RAD54L2: variants seen among roughly 807,000 people sequenced by gnomAD.
The protein encoded by RAD54L2 is helicase ARIP4.
In RAD54L2, 27 loss-of-function variants were observed where a neutral mutation model predicts 138.4. That is an observed-to-expected ratio of 0.20 (90% CI 0.14 to 0.27). RAD54L2 has a LOEUF of 0.27. RAD54L2 is among the 10% of genes least tolerant of loss of function. The probability of loss-of-function intolerance (pLI) is 1.00; values close to 1 mark genes in which losing one functional copy is unlikely to be tolerated. For missense variants in RAD54L2, 1,396 were observed against 1,890.2 expected (o/e 0.74, Z 4.85); for synonymous variants, 644 against 723.2 (o/e 0.89, Z 1.76).
chr3:51,638,705 C>A lies in RAD54L2; in HGVS notation c.1860+384C>A, dbSNP rs1389832497. 5.7e-6 allele frequency: 1 copy of A among 175,882 alleles called. No homozygotes were observed. The highest frequency in any genetic ancestry group is 1.2e-5 in the Non-Finnish European group (1 of 82,762). The allele number at this position is 175,882 out of a possible 1,614,324, so 10.9% of individuals were successfully genotyped here. ...CCTTCCATTGGATTCCATACTTAAT[C>A]AGATTGAGACCTCTCTCATTCTTTT... is the stretch of plus-strand genomic sequence containing the variant. On this transcript the variant is annotated intron_variant, in intron 12 of 22. Coordinates refer to ENST00000684192, the MANE Select transcript of RAD54L2 (RefSeq NM_015106.4). The surrounding 1 kb of genome is among the most constrained non-coding windows in gnomAD (Gnocchi z 4.3).
At chr3:51,552,285 CAG>C (rs139630276) in intron 2 of RAD54L2, among the ~76,000 whole-genome samples, 4,458 of 151,654 alleles carry the variant, frequency 0.029, 100 homozygotes, top group Non-Finnish European at 0.046. Context: ...TTTTTTGAGA[CAG>C]AGTCTTGCTC....
chr3:51,558,379 A>G (rs918319200), intron 2 of RAD54L2, among the ~76,000 whole-genome samples: 2 of 152,136 alleles, frequency 1.3e-5, no homozygotes, highest in African/African-American at 4.8e-5. Context: ...TCTAGTCAAA[A>G]TCATGTGCCA....
intron 21 of RAD54L2, among the ~76,000 whole-genome samples, chr3:51,658,779 C>A (rs1701673838): frequency 1.3e-5 from 2 of 152,112 alleles, no homozygotes; most frequent in African/African-American, 4.8e-5. Context: ...AGTCTAGAAC[C>A]CAGCCCCCTT....
intron 2 of RAD54L2, among the ~76,000 whole-genome samples, chr3:51,571,733 T>TG (rs1305018365): frequency 2.6e-5 from 4 of 152,192 alleles, no homozygotes; most frequent in Non-Finnish European, 5.9e-5. Flanking sequence ...CATGTACGCA[T>TG]GCACACGCAC....
At chr3:51,577,070 A>G (rs1699497158) in intron 2 of RAD54L2, among the ~76,000 whole-genome samples, 1 of 152,302 alleles carries the variant, frequency 6.6e-6, no homozygotes, top group Non-Finnish European at 1.5e-5. Context: ...GTTTCAAAGA[A>G]CATCTTTATT....
intron 2 of RAD54L2, among the ~76,000 whole-genome samples, chr3:51,561,042 A>G (rs1238346030): frequency 6.6e-6 from 1 of 152,216 alleles, no homozygotes; most frequent in Non-Finnish European, 1.5e-5. Flanking sequence ...GGATCTGCTT[A>G]TACCATTCTG....
intron 3 of RAD54L2, among the ~76,000 whole-genome samples, chr3:51,612,532 T>C (rs531254362): frequency 5.3e-5 from 8 of 152,272 alleles, no homozygotes; most frequent in African/African-American, 1.9e-4. Context: ...GATGCAGTGA[T>C]GTTAGGTTTG....
chr3:51,657,916 CTTTTTTTTTTTT>C lies in RAD54L2; in HGVS notation c.3316+263_3316+274del, dbSNP rs71084155. Reference sequence around the variant, plus strand: ...TCCCTACATTTCTCTATCTTGCTGTCTTTTTTTTTTTTTTTTTTTTTTTTTTTGAGATGGAGT... The same window carrying C: ...TCCCTACATTTCTCTATCTTGCTGTCTTTTTTTTTTTTTTTGAGATGGAGT... On this transcript the variant is annotated intron_variant, in intron 21 of 22. Transcript: ENST00000684192. Among the ~76,000 whole-genome samples the C allele has an allele frequency of 3.3e-3, 291 of 87,438 alleles. 2 individuals carry two copies. Among genetic ancestry groups the C allele is most frequent in the African/African-American group, 4.3e-3 (94 of 21,936 alleles). The allele number at this position is 87,438 out of a possible 152,430, so 57.4% of individuals were successfully genotyped here. A position where few individuals can be genotyped will look rare whatever the true frequency, so the allele number is the denominator to read the frequency against.
intron 2 of RAD54L2, among the ~76,000 whole-genome samples, chr3:51,563,974 AGCC>A (rs1699158182): frequency 6.6e-6 from 1 of 152,268 alleles, no homozygotes; most frequent in African/African-American, 2.4e-5. Context: ...TTTAGAAGGC[AGCC>A]CAGAGGGGGA....
Position 51,662,562 on chromosome 3 carries a change from T to C in RAD54L2, c.3546T>C (p.Tyr1182=). 6.2e-7 allele frequency: 1 copy of C among 1,613,856 alleles called. No homozygotes were observed. The highest frequency in any genetic ancestry group is 8.5e-7 in the Non-Finnish European group (1 of 1,179,844). ...SPEIISELQQ[Y]ADVAAARESR... is the part of the protein sequence containing the mutation. ...AGATCATCAGTGAGCTTCAGCAGTA[T>C]GCAGATGTGGCTGCTGCCCGGGAAT... The change falls in exon 23 of 23, where the codon TAT becomes TAC. Residue 1182 remains tyrosine (Y), a synonymous_variant. Transcript: ENST00000684192. The surrounding 1 kb of genome is among the most constrained non-coding windows in gnomAD (Gnocchi z 4.6).
chr3:51,570,753 G>A lies in RAD54L2; in HGVS notation c.-54-19614G>A, dbSNP rs148287083. Among the ~76,000 whole-genome samples, 1,430 of 152,220 alleles carry A rather than the reference G, an allele frequency of 9.4e-3. 28 individuals carry two copies. The highest frequency in any genetic ancestry group is 0.033 in the African/African-American group (1,353 of 41,538). ...TACAGGCATGAGCCACCGGTGCCCA[G>A]CCCTATTTTTAAGAATCAATGTTTT... is the stretch of plus-strand genomic sequence containing the variant. On this transcript the variant is annotated intron_variant, in intron 2 of 22. Transcript: ENST00000684192.
At chr3:51,575,689 A>G (rs1699464211) in intron 2 of RAD54L2, among the ~76,000 whole-genome samples, 2 of 152,282 alleles carry the variant, frequency 1.3e-5, no homozygotes, top group Middle Eastern at 3.4e-3. Flanking sequence ...ATTTTTGCAC[A>G]CTGATTTTGT....
At chr3:51,588,141 G>T (rs140997020) in intron 2 of RAD54L2, among the ~76,000 whole-genome samples, 5 of 127,068 alleles carry the variant, frequency 3.9e-5, no homozygotes, top group Non-Finnish European at 7.7e-5. Context: ...AGCCAAGATC[G>T]CACCACTGCA....
intron 2 of RAD54L2, among the ~76,000 whole-genome samples, chr3:51,559,073 C>T (rs1331914655): frequency 6.6e-6 from 1 of 152,004 alleles, no homozygotes; most frequent in Non-Finnish European, 1.5e-5. Context: ...GGGGGTTTCA[C>T]CATGTTGCCC....
chr3:51,593,855 G>A (rs568040968), intron 3 of RAD54L2, among the ~76,000 whole-genome samples: 10 of 151,944 alleles, frequency 6.6e-5, no homozygotes, highest in South Asian at 2.1e-4. Context: ...TTAGGAATGC[G>A]CGTAGCTTAT....
chr3:51,570,582 G>A (rs886932699), intron 2 of RAD54L2, among the ~76,000 whole-genome samples: 12 of 151,714 alleles, frequency 7.9e-5, no homozygotes, highest in African/African-American at 2.9e-4. Context: ...TCAGCCTCCC[G>A]AGTAGCTGGG....
At chr3:51,646,553 A>G in intron 19 of RAD54L2, 72 bp downstream of exon 19, 1 of 1,378,990 alleles carries the variant, frequency 7.3e-7, no homozygotes, top group South Asian at 1.4e-5. Flanking sequence ...CATATTTTAA[A>G]TAAAGGCAGA....
intron 20 of RAD54L2, among the ~76,000 whole-genome samples, chr3:51,656,393 G>A (rs1701601347): frequency 6.6e-6 from 1 of 152,142 alleles, no homozygotes; most frequent in Non-Finnish European, 1.5e-5. Context: ...GGGTTTGGTG[G>A]GTGAGATAGA....
chr3:51,575,320 T>G, intron 2 of RAD54L2, among the ~76,000 whole-genome samples: 1 of 152,234 alleles, frequency 6.6e-6, no homozygotes, highest in East Asian at 1.9e-4. Flanking sequence ...AGGATTGTCT[T>G]GGCAATGCAG....
Sources: gnomAD v4.1 joint callset for allele counts (sites outside exome capture counted in the v4.1 genomes callset) on GRCh38, gnomAD v4.1.1 for gene constraint, Gnocchi (gnomAD v3.1) non-coding constraint, MANE v1.5 for transcripts, NCBI Gene and HGNC (gene_info 2026-07-23, HGNC 2026-07-21) for gene names.